Variants in SAMMSON observed in about 807,000 individuals in gnomAD.
SAMMSON encodes survival associated mitochondrial melanoma specific oncogenic non-coding RNA.
chr3:70,022,352 A>G (rs1422339591), intron 3 of SAMMSON, among the ~76,000 whole-genome samples: 1 of 150,962 alleles, frequency 6.6e-6, no homozygotes, highest in African/African-American at 2.4e-5. Flanking sequence ...GCAGTACACC[A>G]ACATGGCACA....
chr3:70,265,122 T>A (rs1412185485), intron 6 of SAMMSON, among the ~76,000 whole-genome samples: 1 of 152,128 alleles, frequency 6.6e-6, no homozygotes. Flanking sequence ...GTCCCTCCCA[T>A]GACATGTGGG....
chr3:70,004,734 A>C (rs1187124676), intron 1 of SAMMSON, among the ~76,000 whole-genome samples: 2 of 152,232 alleles, frequency 1.3e-5, no homozygotes, highest in East Asian at 1.9e-4. Flanking sequence ...TTTAAAAACA[A>C]ATACTAACAC....
chr3:70,037,527 G>A (rs1395634670), intron 3 of SAMMSON, among the ~76,000 whole-genome samples: 1 of 152,176 alleles, frequency 6.6e-6, no homozygotes, highest in Non-Finnish European at 1.5e-5. Context: ...GAGAGAAAAA[G>A]GAGGAGAAAT....
chr3:70,313,940 C>G (rs1427470960), intron 7 of SAMMSON, among the ~76,000 whole-genome samples: 51 of 152,180 alleles, frequency 3.4e-4, no homozygotes, highest in Admixed American at 3.3e-3. Flanking sequence ...AGGTTCCTAA[C>G]ATTTTACTCC....
At chr3:70,139,908 T>A (rs1364925230) in intron 4 of SAMMSON, among the ~76,000 whole-genome samples, 6 of 152,230 alleles carry the variant, frequency 3.9e-5, no homozygotes, top group African/African-American at 1.4e-4. Flanking sequence ...AGCTGATCCA[T>A]GCTACTTTCC....
chr3:70,173,698 C>CT lies in SAMMSON; in HGVS notation n.508-75402dup, dbSNP rs376399212. Among the ~76,000 whole-genome samples the CT allele has an allele frequency of 5.6e-3, 849 of 151,920 alleles. 4 individuals carry two copies. Among genetic ancestry groups the CT allele is most frequent in the Non-Finnish European group, 8.0e-3 (542 of 67,854 alleles). On this transcript the variant is annotated intron_variant and non_coding_transcript_variant, in intron 4 of 9. Transcript: ENST00000642114. Reference sequence around the variant, plus strand: ...CGAGCCAAAATGACAAAAATAAGTACTTTTTTTGTGTTTTTACAGTCTTGT... The same window carrying CT: ...CGAGCCAAAATGACAAAAATAAGTACTTTTTTTTGTGTTTTTACAGTCTTGT...
intron 9 of SAMMSON, among the ~76,000 whole-genome samples, chr3:70,388,691 T>C (rs184068446): frequency 1.3e-4 from 20 of 152,308 alleles, no homozygotes; most frequent in African/African-American, 3.4e-4. Context: ...GCTTATTTTC[T>C]TGCCTTGAAT....
intron 7 of SAMMSON, among the ~76,000 whole-genome samples, chr3:70,337,868 C>A (rs1702677779): frequency 1.3e-5 from 2 of 151,722 alleles, no homozygotes; most frequent in East Asian, 1.9e-4. Flanking sequence ...TATGCCATAG[C>A]TTTAATCTTA....
intron 2 of SAMMSON, among the ~76,000 whole-genome samples, chr3:70,402,423 A>C (rs1701147713): frequency 6.6e-6 from 1 of 152,182 alleles, no homozygotes; most frequent in Non-Finnish European, 1.5e-5. Context: ...AATTTTCACA[A>C]CATCTTAATG....
chr3:70,082,799 G>T (rs2067271690), intron 4 of SAMMSON, among the ~76,000 whole-genome samples: 1 of 152,158 alleles, frequency 6.6e-6, no homozygotes, highest in African/African-American at 2.4e-5. Context: ...TGCTGCTATA[G>T]CATCTACCAT....
intron 6 of SAMMSON, among the ~76,000 whole-genome samples, chr3:70,282,179 C>T (rs374260052): frequency 6.6e-6 from 1 of 152,206 alleles, no homozygotes; most frequent in East Asian, 1.9e-4. Flanking sequence ...TCCTGGGATG[C>T]AGTAATCAAA....
intron 4 of SAMMSON, chr3:70,126,232 C>T (rs925128494): frequency 1.8e-5 from 18 of 1,020,438 alleles, no homozygotes; most frequent in South Asian, 6.9e-5. Flanking sequence ...TTTTCTTTAT[C>T]GTCTTCAACA....
chr3:70,038,947 A>G (rs1301061088), intron 3 of SAMMSON, among the ~76,000 whole-genome samples: 1 of 152,180 alleles, frequency 6.6e-6, no homozygotes, highest in Admixed American at 6.5e-5. Context: ...TCCGGAGCTA[A>G]CAGGGAGTAT....
chr3:70,023,400 G>A (rs528536447), intron 3 of SAMMSON, among the ~76,000 whole-genome samples: 1 of 151,856 alleles, frequency 6.6e-6, no homozygotes, highest in African/African-American at 2.4e-5. Context: ...GGTGGAGCTT[G>A]CAGTGAGCTG....
chr3:70,371,911 C>T (rs1365341929), intron 9 of SAMMSON, among the ~76,000 whole-genome samples: 1 of 151,964 alleles, frequency 6.6e-6, no homozygotes, highest in Non-Finnish European at 1.5e-5. Flanking sequence ...TGTTTTGTTC[C>T]AGTTCTTTGA....
chr3:70,123,893 T>C (rs1455958014), intron 4 of SAMMSON, among the ~76,000 whole-genome samples: 1 of 152,168 alleles, frequency 6.6e-6, no homozygotes, highest in Non-Finnish European at 1.5e-5. Flanking sequence ...CAGAATGAAA[T>C]GGAGCCAGCA....
intron 6 of SAMMSON, among the ~76,000 whole-genome samples, chr3:70,286,007 T>C (rs1019674806): frequency 6.6e-5 from 10 of 151,886 alleles, no homozygotes; most frequent in African/African-American, 2.4e-4. Context: ...ATTTTGTAGG[T>C]TGCCTGTTCA....
At chr3:70,086,682 C>T (rs770472119) in intron 4 of SAMMSON, among the ~76,000 whole-genome samples, 2 of 152,252 alleles carry the variant, frequency 1.3e-5, no homozygotes, top group Non-Finnish European at 2.9e-5. Flanking sequence ...TAAATTCAGC[C>T]CCCTTAATCT....
chr3:70,180,858 G>T (rs1452270236), intron 4 of SAMMSON, among the ~76,000 whole-genome samples: 3 of 152,050 alleles, frequency 2.0e-5, no homozygotes, highest in East Asian at 3.9e-4. Flanking sequence ...AAAAGCAAAG[G>T]CCCCCTAATT....
Sources: gnomAD v4.1 joint callset for allele counts (sites outside exome capture counted in the v4.1 genomes callset) on GRCh38, gnomAD v4.1.1 for gene constraint, MANE v1.5 for transcripts, NCBI Gene and HGNC (gene_info 2026-07-23, HGNC 2026-07-21) for gene names.